EP300: variants seen among roughly 807,000 people sequenced by gnomAD.
The protein encoded by EP300 is EP300 lysine acetyltransferase.
A neutral mutation model predicts 264.0 loss-of-function variants in EP300; 31 were observed. The observed-to-expected ratio is 0.12, with a 90% CI of 0.09 to 0.16. EP300 has a LOEUF of 0.16. Ranked by LOEUF, EP300 falls within the 10% of genes least tolerant of loss-of-function variation. The pLI is 1.00. For missense variants in EP300, 2,766 were observed against 3,052.9 expected (o/e 0.91, Z 2.21); for synonymous variants, 1,340 against 1,045.4 (o/e 1.28, Z -5.44).
chr22:41,121,424 A>G lies in EP300; in HGVS notation c.729+3603A>G, dbSNP rs532534445. 3.3e-5 allele frequency among the ~76,000 whole-genome samples: 5 copies of G among 152,342 alleles called. No homozygotes were observed. The East Asian group carries it at 9.6e-4, about 29-fold the overall frequency. ...GCAGGGCTCAGGAGATAGAAGGGGC[A>G]GTGATCTGGAGGTTGGTTGGTATTT... On this transcript the variant is annotated intron_variant, in intron 2 of 30. Coordinates refer to ENST00000263253, the MANE Select transcript of EP300 (RefSeq NM_001429.4).
chr22:41,127,004 A>G (rs541651636), intron 3 of EP300, among the ~76,000 whole-genome samples: 55 of 152,046 alleles, frequency 3.6e-4, no homozygotes, highest in African/African-American at 1.2e-3. Context: ...TCGGCCTCCC[A>G]ACGTGCTAGG....
chr22:41,144,914 T>C (rs2059002304), intron 10 of EP300, among the ~76,000 whole-genome samples: 1 of 152,160 alleles, frequency 6.6e-6, no homozygotes, highest in Non-Finnish European at 1.5e-5. Flanking sequence ...AAAAAGGACA[T>C]GTCTGGCAGA....
At position 41,178,096 on chromosome 22, in the gene EP300, G is replaced by A. The variant is rs2145520498; in HGVS notation, c.6385G>A (p.Ala2129Thr). 6.2e-7 allele frequency: 1 copy of A among 1,614,098 alleles called. No individual in the cohort carries two copies. Among genetic ancestry groups the A allele is most frequent in the Non-Finnish European group, 8.5e-7 (1 of 1,179,988 alleles). Residue 2129 changes from alanine (A) to threonine (T), a missense_variant, in exon 31 of 31, where the codon GCC becomes ACC. Coordinates refer to ENST00000263253, the MANE Select transcript of EP300 (RefSeq NM_001429.4). ...TCAGCAGGGGGTCCACTCCAATCCAGCCATGCAGAACATGAATCCAATGCA... is the reference window on the plus strand; with the variant it reads ...TCAGCAGGGGGTCCACTCCAATCCAACCATGCAGAACATGAATCCAATGCA... ...PGQQGVHSNPAMQNMNPMQAG... is the reference protein window; with the variant it reads ...PGQQGVHSNPTMQNMNPMQAG...
intron 17 of EP300, among the ~76,000 whole-genome samples, chr22:41,156,740 G>T (rs530064969): frequency 3.9e-5 from 6 of 152,000 alleles, no homozygotes; most frequent in African/African-American, 1.5e-4. Flanking sequence ...AAGGTCAAGT[G>T]CTTCCAGGGG....
At chr22:41,113,176 C>T (rs966127306) in intron 1 of EP300, among the ~76,000 whole-genome samples, 37 of 121,132 alleles carry the variant, frequency 3.1e-4, no homozygotes, top group Non-Finnish European at 4.8e-4. Context: ...CCAACTTATG[C>T]TATGGATTTG....
chr22:41,104,372 C>T (rs1015571671), intron 1 of EP300, among the ~76,000 whole-genome samples: 1 of 151,978 alleles, frequency 6.6e-6, no homozygotes, highest in Admixed American at 6.6e-5. Flanking sequence ...TCACTGCAAC[C>T]TCTGCCTCCC....
At chr22:41,173,019 AAC>A (rs1413637278) in intron 28 of EP300, among the ~76,000 whole-genome samples, 2 of 152,174 alleles carry the variant, frequency 1.3e-5, no homozygotes. Flanking sequence ...GTCTTTTAAA[AAC>A]ACACTCTTTT....
chr22:41,161,334 C>T (rs1447949285), intron 20 of EP300, among the ~76,000 whole-genome samples: 1 of 152,098 alleles, frequency 6.6e-6, no homozygotes, highest in Non-Finnish European at 1.5e-5. Context: ...AGTTTAATCT[C>T]TGGCCAGGCG....
At chr22:41,103,041 G>A (rs2058740315) in intron 1 of EP300, among the ~76,000 whole-genome samples, 1 of 152,020 alleles carries the variant, frequency 6.6e-6, no homozygotes, top group Non-Finnish European at 1.5e-5. Context: ...GTAGAGATGG[G>A]GTTTCACCAT....
chr22:41,162,058 GAACAAGACCCTTCCCAA>G (rs1336841443), intron 20 of EP300, among the ~76,000 whole-genome samples: 20 of 152,144 alleles, frequency 1.3e-4, no homozygotes, highest in African/African-American at 4.3e-4. Flanking sequence ...AAAAGAGTAG[GAACAAGACCCTTCCCAA>G]TTCTGCAGGC....
At chr22:41,169,388 C>T (rs1351922844) in intron 25 of EP300, 115 bp from the exon 26 acceptor site, 2 of 738,568 alleles carry the variant, frequency 2.7e-6, no homozygotes, top group African/African-American at 1.7e-5. Flanking sequence ...TCACAAATAA[C>T]GATGTGAGCA....
intron 27 of EP300, among the ~76,000 whole-genome samples, chr22:41,171,663 T>G (rs192816476): frequency 3.3e-5 from 5 of 151,856 alleles, no homozygotes; most frequent in Admixed American, 1.3e-4. Flanking sequence ...TTTTTTTTTT[T>G]TGGACGGAGT....
intron 1 of EP300, among the ~76,000 whole-genome samples, chr22:41,101,351 G>A (rs1397441787): frequency 6.6e-6 from 1 of 151,830 alleles, no homozygotes; most frequent in Non-Finnish European, 1.5e-5. Context: ...TATTAGAGGC[G>A]AGAGCCACAG....
intron 1 of EP300, among the ~76,000 whole-genome samples, chr22:41,099,786 C>G (rs747889705): frequency 2.0e-5 from 3 of 152,140 alleles, no homozygotes; most frequent in Non-Finnish European, 4.4e-5. Context: ...TTGCCCTGCC[C>G]CATAGTCAGT....
At chr22:41,124,845 T>C (rs925886411) in intron 2 of EP300, among the ~76,000 whole-genome samples, 1 of 152,198 alleles carries the variant, frequency 6.6e-6, no homozygotes, top group Non-Finnish European at 1.5e-5. Flanking sequence ...AAAATAACTC[T>C]GTACATTTAC....
chr22:41,119,021 GAGAC>G (rs2058836828), intron 2 of EP300, among the ~76,000 whole-genome samples: 1 of 62,424 alleles, frequency 1.6e-5, no homozygotes, highest in Non-Finnish European at 3.3e-5. Context: ...TTTTTTTTTT[GAGAC>G]AGGGTCTTAC....
At chr22:41,124,965 TCTCA>T (rs1287273605) in intron 2 of EP300, among the ~76,000 whole-genome samples, 2 of 152,076 alleles carry the variant, frequency 1.3e-5, no homozygotes, top group Non-Finnish European at 2.9e-5. Context: ...TGAGACAGGG[TCTCA>T]CTCTGTTGCC....
intron 10 of EP300, 101 bp downstream of exon 10, chr22:41,141,323 G>C (rs1160709099): frequency 7.6e-7 from 1 of 1,319,902 alleles, no homozygotes; most frequent in Non-Finnish European, 1.1e-6. Context: ...CTATTCTAGA[G>C]TTTTTTAAAT....
intron 16 of EP300, 109 bp downstream of exon 16, chr22:41,152,459 C>T: frequency 7.6e-7 from 1 of 1,307,772 alleles, no homozygotes; most frequent in Non-Finnish European, 1.1e-6. Flanking sequence ...ATTGTGATTT[C>T]ATTAACCTGG....
Sources: gnomAD v4.1 joint callset for allele counts (sites outside exome capture counted in the v4.1 genomes callset) on GRCh38, gnomAD v4.1.1 for gene constraint, MANE v1.5 for transcripts, NCBI Gene and HGNC (gene_info 2026-07-23, HGNC 2026-07-21) for gene names.